The following ANGPT1 variants were observed in gnomAD, a reference collection of about 807,000 sequenced individuals.
ANGPT1 encodes the protein angiopoietin 1.
A neutral mutation model predicts 62.2 loss-of-function variants in ANGPT1; 17 were observed. The observed-to-expected ratio is 0.27, with a 90% confidence interval of 0.19 to 0.41. ANGPT1 has a LOEUF of 0.41. ANGPT1 is among the 10% of genes least tolerant of loss of function. The pLI, the probability that ANGPT1 is intolerant of heterozygous loss-of-function variation, is 1.00. For missense variants in ANGPT1, 478 were observed against 594.9 expected, an observed-to-expected ratio of 0.80 and a Z score of 2.04; for synonymous variants, 199 against 198.9, an observed-to-expected ratio of 1.00 and a Z score of 0.00.
At chr8:107,429,468 C>A (rs1309121839) in intron 1 of ANGPT1, among the ~76,000 whole-genome samples, 1 of 152,132 alleles carries the variant, frequency 6.6e-6, no homozygotes, top group Non-Finnish European at 1.5e-5. Context: ...TGTCACTAAT[C>A]AATAATGACA....
At chr8:107,303,034 G>GA (rs1024298011) in intron 5 of ANGPT1, among the ~76,000 whole-genome samples, 2 of 151,880 alleles carry the variant, frequency 1.3e-5, no homozygotes, top group African/African-American at 4.8e-5. Context: ...AATTTTGTGT[G>GA]AAAGAAAAGG....
At chr8:107,447,475 A>C (rs1811652117) in intron 1 of ANGPT1, among the ~76,000 whole-genome samples, 1 of 152,244 alleles carries the variant, frequency 6.6e-6, no homozygotes, top group Non-Finnish European at 1.5e-5. Flanking sequence ...TTCTTTGGCC[A>C]GTGGAATGGG....
At chr8:107,484,909 G>A (rs1379422255) in intron 1 of ANGPT1, among the ~76,000 whole-genome samples, 1 of 152,146 alleles carries the variant, frequency 6.6e-6, no homozygotes, top group Non-Finnish European at 1.5e-5. Context: ...CCTTTAATAT[G>A]TATTTGCTGT....
Position 107,345,855 on chromosome 8 carries a change from C to T in ANGPT1, c.453+1087G>A, listed in dbSNP as rs116794689. 3.8e-3 allele frequency among the ~76,000 whole-genome samples: 581 copies of T among 152,166 alleles called. 5 individuals are homozygous for T. The highest frequency in any genetic ancestry group is 0.013 in the African/African-American group (559 of 41,542). ...CCAAAGCTAATGTGAATCACTGCCC[C>T]AATGTAATCAATACTTAAGTTCTTA... is the stretch of plus-strand genomic sequence containing the variant. On this transcript the variant is annotated intron_variant, in intron 2 of 8. Transcript: ENST00000517746.
intron 1 of ANGPT1, among the ~76,000 whole-genome samples, chr8:107,374,155 T>G (rs1378706926): frequency 6.6e-6 from 1 of 152,216 alleles, no homozygotes; most frequent in Non-Finnish European, 1.5e-5. Flanking sequence ...TGCCAACCTT[T>G]TTTTATTGAA....
At chr8:107,385,595 C>G (rs1816717294) in intron 1 of ANGPT1, among the ~76,000 whole-genome samples, 1 of 151,982 alleles carries the variant, frequency 6.6e-6, no homozygotes, top group Non-Finnish European at 1.5e-5. Flanking sequence ...GTTTAACTTC[C>G]TTTCTTCCTG....
At chr8:107,484,614 T>G (rs1175819278) in intron 1 of ANGPT1, among the ~76,000 whole-genome samples, 1 of 152,148 alleles carries the variant, frequency 6.6e-6, no homozygotes, top group Non-Finnish European at 1.5e-5. Context: ...TTCACCATGT[T>G]GCCCAGGCTG....
intron 1 of ANGPT1, among the ~76,000 whole-genome samples, chr8:107,357,565 C>T (rs1816072798): frequency 6.6e-6 from 1 of 152,126 alleles, no homozygotes. Flanking sequence ...AGGCTCTCCA[C>T]CAGATAATTC....
chr8:107,363,467 C>T (rs1253307320), intron 1 of ANGPT1, among the ~76,000 whole-genome samples: 1 of 152,140 alleles, frequency 6.6e-6, no homozygotes, highest in Non-Finnish European at 1.5e-5. Flanking sequence ...AGAAGCAGCA[C>T]ATGAGAAGCA....
At chr8:107,330,991 T>C (rs985320193) in intron 3 of ANGPT1, among the ~76,000 whole-genome samples, 1 of 152,150 alleles carries the variant, frequency 6.6e-6, no homozygotes, top group African/African-American at 2.4e-5. Context: ...ACTAGAATAA[T>C]ATAAATTCAA....
chr8:107,359,573 C>A (rs1043691761), intron 1 of ANGPT1, among the ~76,000 whole-genome samples: 3 of 152,106 alleles, frequency 2.0e-5, no homozygotes, highest in Non-Finnish European at 1.5e-5. Flanking sequence ...CCCCAACTTC[C>A]TAGCAGCATT....
At chr8:107,277,989 T>C (rs900349898) in intron 7 of ANGPT1, among the ~76,000 whole-genome samples, 1 of 152,114 alleles carries the variant, frequency 6.6e-6, no homozygotes, top group Non-Finnish European at 1.5e-5. Context: ...ATATAGAATA[T>C]ATAATTAAAA....
intron 2 of ANGPT1, among the ~76,000 whole-genome samples, chr8:107,344,302 C>T (rs934355159): frequency 1.3e-5 from 2 of 152,074 alleles, no homozygotes; most frequent in African/African-American, 4.8e-5. Context: ...TGAATAATTC[C>T]TCCTACAAAC....
At chr8:107,325,369 T>G (rs909777709) in intron 3 of ANGPT1, among the ~76,000 whole-genome samples, 1 of 152,220 alleles carries the variant, frequency 6.6e-6, no homozygotes, top group Admixed American at 6.5e-5. Flanking sequence ...AGTTGTTAAC[T>G]TATAAGAAAA....
Position 107,492,584 on chromosome 8 carries a change from G to A in ANGPT1, c.297+4678C>T, listed in dbSNP as rs574552375. Among the ~76,000 whole-genome samples the A allele has an allele frequency of 4.1e-4, 62 of 151,526 alleles. 2 individuals are homozygous for A. The highest frequency in any genetic ancestry group is 3.4e-3 in the Middle Eastern group (1 of 292). On this transcript the variant is annotated intron_variant, in intron 1 of 8. Coordinates refer to ENST00000517746, the MANE Select transcript of ANGPT1 (RefSeq NM_001146.5). ...ACTCTTCACCTCAGGTGATCTGCCC[G>A]CCTTGGCGTCCCAAAGTGCTGGGAT... is the stretch of plus-strand genomic sequence containing the variant.
At chr8:107,438,541 A>G (rs62513239) in intron 1 of ANGPT1, among the ~76,000 whole-genome samples, 9,633 of 152,228 alleles carry the variant, frequency 0.063, 394 homozygotes, top group African/African-American at 0.1. Flanking sequence ...GAAACTGAAG[A>G]ATTTTTGTTA....
intron 3 of ANGPT1, among the ~76,000 whole-genome samples, chr8:107,330,074 T>C (rs977556398): frequency 6.6e-6 from 1 of 152,086 alleles, no homozygotes; most frequent in African/African-American, 2.4e-5. Context: ...TGAACAGAAA[T>C]TTGTGAGTTG....
At chr8:107,306,510 G>T (rs1364146453) in intron 4 of ANGPT1, among the ~76,000 whole-genome samples, 1 of 152,008 alleles carries the variant, frequency 6.6e-6, no homozygotes, top group Non-Finnish European at 1.5e-5. Context: ...ATGACTTTTT[G>T]CATGACTCGT....
chr8:107,290,030 T>C (rs185955238), intron 6 of ANGPT1, among the ~76,000 whole-genome samples: 2 of 152,244 alleles, frequency 1.3e-5, no homozygotes, highest in Admixed American at 1.3e-4. Flanking sequence ...TACAAATCCA[T>C]AAACCAGATT....
Sources: gnomAD v4.1 joint callset for allele counts (sites outside exome capture counted in the v4.1 genomes callset) on GRCh38, gnomAD v4.1.1 for gene constraint, MANE v1.5 for transcripts, NCBI Gene and HGNC (gene_info 2026-07-23, HGNC 2026-07-21) for gene names.